KCNC1: variants seen among roughly 807,000 people sequenced by gnomAD.
The protein encoded by KCNC1 is voltage-gated potassium channel KCNC1.
A neutral mutation model predicts 43.4 loss-of-function variants in KCNC1; 8 were observed. The ratio of observed to expected loss-of-function variants is 0.18; its 90% CI spans 0.11 to 0.33. The LOEUF (loss-of-function observed/expected upper bound fraction) is 0.33. Among genes scored for constraint, KCNC1 ranks in the 10% least tolerant of loss-of-function variants. KCNC1 has a pLI of 1.00. For synonymous variants in KCNC1, 361 were observed against 360.5 expected, an observed-to-expected ratio of 1.00 and a Z score of -0.01; for missense variants, 420 against 836.0, an observed-to-expected ratio of 0.50 and a Z score of 6.14.
At chr11:17,749,788 G>T (rs1565156676) in intron 1 of KCNC1, among the ~76,000 whole-genome samples, 1 of 152,226 alleles carries the variant, frequency 6.6e-6, no homozygotes, top group African/African-American at 2.4e-5. Context: ...CTTCTGCCCT[G>T]ACCCCTGTTC....
At position 17,739,562 on chromosome 11, in the gene KCNC1, G is replaced by A. The variant is rs1372167921; in HGVS notation, c.570+2990G>A. On this transcript the variant is annotated intron_variant, in intron 1 of 3. Transcript: ENST00000265969. The surrounding 1 kb of genome is among the most constrained non-coding windows in gnomAD (Gnocchi z 4.2). ...GAGAGACTGCATGTGTAAGAGAGAT[G>A]CTGTGTGTGAGGTTTGGAGAGTGCG... is the stretch of plus-strand genomic sequence containing the variant. Among the ~76,000 whole-genome samples, 1 of 151,964 alleles carries A rather than the reference G, an allele frequency of 6.6e-6. No homozygotes were observed. The highest frequency in any genetic ancestry group is 1.5e-5 in the Non-Finnish European group (1 of 67,992).
chr11:17,746,290 A>C (rs1315180266), intron 1 of KCNC1, among the ~76,000 whole-genome samples: 1 of 152,164 alleles, frequency 6.6e-6, no homozygotes, highest in Non-Finnish European at 1.5e-5. Flanking sequence ...GGCCCAGATG[A>C]AGCTCTTCAC....
In KCNC1 at chr11:17,768,639, A is replaced by G. The variant is rs1185871469; in HGVS notation, c.571-3026A>G. Among the ~76,000 whole-genome samples the G allele has an allele frequency of 5.6e-5, 7 of 124,086 alleles. 1 individual carries two copies. The East Asian group carries it at 1.3e-3, about 23-fold the overall frequency. 81.4% of individuals were successfully genotyped at this position (124,086 alleles called of 152,430 possible). On this transcript the variant is annotated intron_variant, in intron 1 of 3. Coordinates refer to ENST00000265969, the MANE Select transcript of KCNC1 (RefSeq NM_001112741.2). The stretch of plus-strand genomic sequence containing the variant: ...GGGGGGGGGGCGGTTTGGGAATGGG[A>G]TGTCCTGGCTGATGGGGCAGTGAGG...
chr11:17,776,400 G>C lies in KCNC1; in HGVS notation c.1505-3056G>C. 1 of 985,374 alleles carries C rather than the reference G, an allele frequency of 1.0e-6. No homozygotes were observed. Among genetic ancestry groups the C allele is most frequent in the Non-Finnish European group, 1.2e-6 (1 of 829,946 alleles). 61.0% of individuals were successfully genotyped at this position (985,374 alleles called of 1,614,324 possible). A position where few individuals can be genotyped will look rare whatever the true frequency, so the allele number is the denominator to read the frequency against. On this transcript the variant is annotated intron_variant, in intron 2 of 3. Transcript: ENST00000265969. This position sits in a 1 kb window ranked among gnomAD's most constrained non-coding sequence, Gnocchi z 4.4. ...AACCCCCAACCCACCCCAGCCCCGC[G>C]TGCGCCCCTCCGGTGCCCGCAGCTG...
In KCNC1 at chr11:17,735,453, C is replaced by G. The variant is rs575207358; in HGVS notation, c.-550C>G. On this transcript the variant is annotated 5_prime_UTR_variant, in exon 1 of 4. Transcript: ENST00000265969. The surrounding 1 kb of genome is among the most constrained non-coding windows in gnomAD (Gnocchi z 6.7). ...CGCCGAGAGCGCGCCGCGGCGACCA[C>G]CTCACAGAGGAGCGCGAATTTCCCG... 1 of 152,284 alleles carries G rather than the reference C, an allele frequency of 6.6e-6. No homozygotes were observed. Among genetic ancestry groups the G allele is most frequent in the African/African-American group, 2.4e-5 (1 of 41,446 alleles). The allele number at this position is 152,284 out of a possible 1,614,324, so 9.4% of individuals were successfully genotyped here.
intron 1 of KCNC1, among the ~76,000 whole-genome samples, chr11:17,745,852 C>T (rs544155902): frequency 6.6e-6 from 1 of 152,306 alleles, no homozygotes; most frequent in Admixed American, 6.5e-5. Flanking sequence ...CCCTTCCCCA[C>T]TTCGTGCTTT....
rs1257865385 is a variant in KCNC1 at position 17,739,300 on chromosome 11, AAG to A, written c.570+2734_570+2735del. On this transcript the variant is annotated intron_variant, in intron 1 of 3. Transcript: ENST00000265969. The surrounding 1 kb of genome is among the most constrained non-coding windows in gnomAD (Gnocchi z 4.2). ...TATGTGTGAGACAGAGGCTCTTTGT[AAG>A]AGAGATTGTGTGTGAGTGTGAGAGA... Among the ~76,000 whole-genome samples the A allele has an allele frequency of 6.6e-6, 1 of 151,946 alleles. No individual in the cohort carries two copies. The highest frequency in any genetic ancestry group is 2.4e-5 in the African/African-American group (1 of 41,306).
chr11:17,770,157 G>GC (rs1849207384), intron 1 of KCNC1, among the ~76,000 whole-genome samples: 6 of 152,260 alleles, frequency 3.9e-5, no homozygotes, highest in African/African-American at 1.2e-4. Flanking sequence ...GGGCATCACT[G>GC]CAAACAAGGC....
rs1338831721 is a variant in KCNC1 at position 17,739,599 on chromosome 11, G to A, written c.570+3027G>A. On this transcript the variant is annotated intron_variant, in intron 1 of 3. Transcript: ENST00000265969. This position sits in a 1 kb window ranked among gnomAD's most constrained non-coding sequence, Gnocchi z 4.2. ...GTTTGGAGAGTGCGTGAGAGTCGAG[G>A]TGAGTGTGTCTGCGTGAGTGTGTGG... Among the ~76,000 whole-genome samples, 1 of 151,384 alleles carries A rather than the reference G, an allele frequency of 6.6e-6. No homozygotes were observed.
Position 17,736,191 on chromosome 11 carries a change from C to T in KCNC1, c.189C>T (p.Val63=). Reference sequence around the variant, plus strand: ...TCTTCTTCGACCGCCACCCCGGCGTCTTCGCGCACATCCTGAACTACTACC... The same window carrying T: ...TCTTCTTCGACCGCCACCCCGGCGTTTTCGCGCACATCCTGAACTACTACC... ...DEFFFDRHPG[V]FAHILNYYRT... is the part of the protein sequence containing the mutation. Residue 63 remains valine, a synonymous_variant, in exon 1 of 4, where the codon GTC becomes GTT. Coordinates refer to ENST00000265969, the MANE Select transcript of KCNC1 (RefSeq NM_001112741.2). This position sits in a 1 kb window ranked among gnomAD's most constrained non-coding sequence, Gnocchi z 9.3. 6.2e-7 allele frequency: 1 copy of T among 1,613,806 alleles called. No individual in the cohort carries two copies. The highest frequency in any genetic ancestry group is 8.5e-7 in the Non-Finnish European group (1 of 1,179,854).
In KCNC1 at chr11:17,751,270, G is replaced by A. The variant is rs564426230; in HGVS notation, c.570+14698G>A. Among the ~76,000 whole-genome samples, 7 of 152,316 alleles carry A rather than the reference G, an allele frequency of 4.6e-5. No homozygotes were observed. In the South Asian group the frequency reaches 8.3e-4, roughly 18 times the overall value. ...AAATGAGGTAGTGGGAGAGACCGAC[G>A]AGTAATGGACGAATAGATGAAAGAA... is the stretch of plus-strand genomic sequence containing the variant. On this transcript the variant is annotated intron_variant, in intron 1 of 3. Transcript: ENST00000265969.
rs1227218320 is a variant in KCNC1, at chr11:17,771,572, T to TC, written c.571-87dup. 6 of 1,098,526 alleles carry TC rather than the reference T, an allele frequency of 5.5e-6. No individual in the cohort carries two copies. The highest frequency in any genetic ancestry group is 7.9e-6 in the Non-Finnish European group (6 of 758,094). The allele number at this position is 1,098,526 out of a possible 1,614,324, so 68.0% of individuals were successfully genotyped here. A position where few individuals can be genotyped will look rare whatever the true frequency, so the allele number is the denominator to read the frequency against. Reference sequence around the variant, plus strand: ...CTGCAGGGGGCCTGGTGCTGGCATCTCCCCCCGCCTGGCCCTGGGACTGGA... The same window carrying TC: ...CTGCAGGGGGCCTGGTGCTGGCATCTCCCCCCCGCCTGGCCCTGGGACTGGA... On this transcript the variant is annotated intron_variant, in intron 1 of 3. Coordinates refer to ENST00000265969, the MANE Select transcript of KCNC1 (RefSeq NM_001112741.2). This position sits in a 1 kb window ranked among gnomAD's most constrained non-coding sequence, Gnocchi z 4.7.
At chr11:17,738,649 C>T (rs1050851491) in intron 1 of KCNC1, among the ~76,000 whole-genome samples, 5 of 152,156 alleles carry the variant, frequency 3.3e-5, no homozygotes, top group Non-Finnish European at 7.4e-5. Context: ...TCCTAGGCTG[C>T]GGGTGGCCTT....
At chr11:17,762,418 C>G (rs1276100112) in intron 1 of KCNC1, among the ~76,000 whole-genome samples, 1 of 152,226 alleles carries the variant, frequency 6.6e-6, no homozygotes, top group African/African-American at 2.4e-5. Context: ...TGTCTGAACA[C>G]TTCCTTCTTG....
intron 1 of KCNC1, among the ~76,000 whole-genome samples, chr11:17,763,462 C>T (rs978575449): frequency 2.0e-5 from 3 of 151,834 alleles, no homozygotes; most frequent in Non-Finnish European, 2.9e-5. Context: ...GGCCCGGACA[C>T]GCACATGCAC....
rs1314208688 is a variant in KCNC1, at chr11:17,773,840, A to C, written c.1504+1242A>C. On this transcript the variant is annotated intron_variant, in intron 2 of 3. Transcript: ENST00000265969. This position sits in a 1 kb window ranked among gnomAD's most constrained non-coding sequence, Gnocchi z 4.1. ...TAAGAAGGAGTGCCAGGTGAGCAGG[A>C]GGTTGACGTGACAGGTGGCATTTAG... 1 of 985,392 alleles carries C rather than the reference A, an allele frequency of 1.0e-6. No individual in the cohort carries two copies. Among genetic ancestry groups the C allele is most frequent in the Non-Finnish European group, 1.2e-6 (1 of 829,968 alleles). 61.0% of individuals were successfully genotyped at this position (985,392 alleles called of 1,614,324 possible). A position where few individuals can be genotyped will look rare whatever the true frequency, so the allele number is the denominator to read the frequency against.
chr11:17,749,791 C>G (rs1461369449), intron 1 of KCNC1, among the ~76,000 whole-genome samples: 1 of 152,214 alleles, frequency 6.6e-6, no homozygotes, highest in Admixed American at 6.5e-5. Flanking sequence ...CTGCCCTGAC[C>G]CCTGTTCAGC....
Position 17,781,802 on chromosome 11 carries a change from C to G in KCNC1, c.*68C>G. 9.2e-7 allele frequency: 1 copy of G among 1,091,684 alleles called. No individual in the cohort carries two copies. Among genetic ancestry groups the G allele is most frequent in the Non-Finnish European group, 1.4e-6 (1 of 730,028 alleles). 67.6% of individuals were successfully genotyped at this position (1,091,684 alleles called of 1,614,324 possible). On this transcript the variant is annotated 3_prime_UTR_variant, in exon 4 of 4. Transcript: ENST00000265969. This position sits in a 1 kb window ranked among gnomAD's most constrained non-coding sequence, Gnocchi z 5.1. ...GGGTGGACCTGCAGCCCCTCCTCAC[C>G]CTCGGACAGAGTAAATTCACGCCAT...
chr11:17,774,670 G>C, intron 2 of KCNC1: 3 of 985,484 alleles, frequency 3.0e-6, no homozygotes, highest in Non-Finnish European at 3.6e-6. Flanking sequence ...ACTTTGCCCT[G>C]GTCCCAGGTT....
Sources: allele counts gnomAD v4.1 joint callset (sites outside exome capture counted in the v4.1 genomes callset), GRCh38; gene constraint gnomAD v4.1.1; non-coding constraint Gnocchi (gnomAD v3.1); transcripts MANE v1.5; gene names NCBI Gene and HGNC (gene_info 2026-07-23, HGNC 2026-07-21).